Variants in SPECC1L observed in about 807,000 individuals in gnomAD.
SPECC1L encodes sperm antigen with calponin homology and coiled-coil domains 1 like, also known as cytospin-A.
A neutral mutation model predicts 116.8 loss-of-function variants in SPECC1L; 40 were observed. The ratio of observed to expected loss-of-function variants is 0.34; its 90% CI spans 0.27 to 0.45. The LOEUF is 0.45. SPECC1L is among the 20% of genes least tolerant of loss of function. SPECC1L has a pLI of 1.00. For missense variants in SPECC1L, 1,110 were observed against 1,373.6 expected (o/e 0.81, Z 3.03); for synonymous variants, 504 against 500.6 (o/e 1.01, Z -0.09).
At chr22:24,345,015 G>A (rs1335950687) in intron 10 of SPECC1L, among the ~76,000 whole-genome samples, 1 of 152,146 alleles carries the variant, frequency 6.6e-6, no homozygotes, top group Non-Finnish European at 1.5e-5. Context: ...GGTAGAAATT[G>A]ACATGGTAGT....
At chr22:24,324,569 G>T in intron 6 of SPECC1L, 142 bp downstream of exon 6, 1 of 765,402 alleles carries the variant, frequency 1.3e-6, no homozygotes, top group Admixed American at 2.1e-5. Context: ...AACCGAACCA[G>T]GCTGGGCACA....
At chr22:24,380,850 G>T (rs983842253) in intron 14 of SPECC1L, among the ~76,000 whole-genome samples, 1 of 151,670 alleles carries the variant, frequency 6.6e-6, no homozygotes, top group African/African-American at 2.4e-5. Context: ...TGCTTTAAGG[G>T]TTGGGTCTTC....
intron 14 of SPECC1L, among the ~76,000 whole-genome samples, chr22:24,391,898 C>T (rs1407653656): frequency 6.6e-6 from 1 of 152,174 alleles, no homozygotes; most frequent in Non-Finnish European, 1.5e-5. Flanking sequence ...GGTTTGTTTG[C>T]CAATGCTCTT....
intron 2 of SPECC1L, among the ~76,000 whole-genome samples, chr22:24,282,299 C>T (rs924260873): frequency 1.1e-4 from 16 of 152,198 alleles, no homozygotes; most frequent in South Asian, 2.1e-4. Context: ...GTGAGTCCTA[C>T]GAAGGCAGTC....
chr22:24,326,847 C>T lies in SPECC1L; in HGVS notation c.2147-1999C>T, dbSNP rs573791704. ...CTACCAGAATTGCCCCTGCCGCCAA[C>T]GTTTTATCCCATTTATTTCTGATCC... On this transcript the variant is annotated intron_variant, in intron 6 of 16. Coordinates refer to ENST00000314328, the MANE Select transcript of SPECC1L (RefSeq NM_015330.6). Among the ~76,000 whole-genome samples, 62 of 152,232 alleles carry T rather than the reference C, an allele frequency of 4.1e-4. 3 individuals are homozygous for T. In the South Asian group the frequency reaches 0.012, roughly 29 times the overall value.
intron 2 of SPECC1L, among the ~76,000 whole-genome samples, chr22:24,301,131 C>T (rs908976145): frequency 6.6e-6 from 1 of 152,120 alleles, no homozygotes; most frequent in African/African-American, 2.4e-5. Context: ...TCTAAGTAAA[C>T]TAAAGAGCTT....
At chr22:24,294,421 G>T (rs1601508872) in intron 2 of SPECC1L, among the ~76,000 whole-genome samples, 3 of 137,442 alleles carry the variant, frequency 2.2e-5, no homozygotes, top group African/African-American at 2.8e-5. Context: ...TCACTTTGTT[G>T]CCCAGGCTGG....
chr22:24,285,722 C>T (rs114783943), intron 2 of SPECC1L, among the ~76,000 whole-genome samples: 3,746 of 152,064 alleles, frequency 0.025, 176 homozygotes, highest in African/African-American at 0.086. Context: ...CAGCTCACTG[C>T]GACCTCCGCT....
chr22:24,356,705 T>G (rs1286449691), intron 11 of SPECC1L, among the ~76,000 whole-genome samples: 2 of 152,186 alleles, frequency 1.3e-5, no homozygotes, highest in East Asian at 3.8e-4. Flanking sequence ...TGTCGTGTTT[T>G]GTATTTGACC....
intron 14 of SPECC1L, among the ~76,000 whole-genome samples, chr22:24,399,464 G>C (rs949770514): frequency 3.3e-5 from 5 of 152,142 alleles, no homozygotes; most frequent in Admixed American, 2.6e-4. Context: ...CAGCTGCTCA[G>C]GAGGCTGAGG....
chr22:24,367,680 G>A (rs567999775), intron 13 of SPECC1L, among the ~76,000 whole-genome samples: 15 of 152,256 alleles, frequency 9.9e-5, no homozygotes, highest in Admixed American at 9.8e-4. Flanking sequence ...ATAAAAATTG[G>A]TACTATTTCA....
intron 14 of SPECC1L, among the ~76,000 whole-genome samples, chr22:24,378,450 C>T (rs13056495): frequency 0.12 from 17,934 of 152,246 alleles, 1,194 homozygotes; most frequent in Non-Finnish European, 0.15. Context: ...TTTTAATTTC[C>T]TTCAAGAACT....
At chr22:24,340,030 C>T (rs770984740) in intron 10 of SPECC1L, among the ~76,000 whole-genome samples, 26 of 152,040 alleles carry the variant, frequency 1.7e-4, no homozygotes, top group Non-Finnish European at 3.7e-4. Flanking sequence ...GGTAATCCAC[C>T]TGCCTGGTCC....
chr22:24,388,545 T>TG (rs1285274777), intron 14 of SPECC1L, among the ~76,000 whole-genome samples: 1 of 152,020 alleles, frequency 6.6e-6, no homozygotes, highest in Non-Finnish European at 1.5e-5. Flanking sequence ...GCAATAAACA[T>TG]ACGTGTGCAT....
intron 14 of SPECC1L, among the ~76,000 whole-genome samples, chr22:24,384,074 C>T (rs1286096841): frequency 6.6e-6 from 1 of 151,040 alleles, no homozygotes; most frequent in African/African-American, 2.4e-5. Context: ...TAAGAAATAT[C>T]CACAGTGAAG....
chr22:24,273,814 A>G (rs1245309045), intron 1 of SPECC1L, among the ~76,000 whole-genome samples: 1 of 152,228 alleles, frequency 6.6e-6, no homozygotes, highest in Admixed American at 6.5e-5. Context: ...GCTGGAGTCT[A>G]ATGGCATGAT....
intron 10 of SPECC1L, among the ~76,000 whole-genome samples, chr22:24,341,182 G>C (rs943984263): frequency 1.3e-5 from 2 of 152,168 alleles, no homozygotes; most frequent in African/African-American, 4.8e-5. Context: ...CAGATACTGG[G>C]AGGAGGGAGC....
Position 24,346,470 on chromosome 22 carries a change from G to A in SPECC1L, c.2653-616G>A, listed in dbSNP as rs577014133. Among the ~76,000 whole-genome samples the A allele has an allele frequency of 7.2e-4, 110 of 152,284 alleles. 3 individuals carry two copies. In the South Asian group the frequency reaches 0.022, roughly 30 times the overall value. ...GATTTATTTGAACCAGGACTTGAAT[G>A]GTCAGTACAATTACAAAAGGAGCAC... On this transcript the variant is annotated intron_variant, in intron 10 of 16. Transcript: ENST00000314328.
At chr22:24,368,927 G>A (rs913901792) in intron 13 of SPECC1L, among the ~76,000 whole-genome samples, 4 of 152,206 alleles carry the variant, frequency 2.6e-5, no homozygotes, top group East Asian at 1.9e-4. Flanking sequence ...GATTACAGGC[G>A]TGAGCCACAG....
Sources: gnomAD v4.1 joint callset for allele counts (sites outside exome capture counted in the v4.1 genomes callset) on GRCh38, gnomAD v4.1.1 for gene constraint, MANE v1.5 for transcripts, NCBI Gene and HGNC (gene_info 2026-07-23, HGNC 2026-07-21) for gene names.